The following PACRG variants were observed in gnomAD, a reference collection of about 807,000 sequenced individuals.
The protein encoded by PACRG is parkin coregulated, also known as parkin coregulated gene protein.
In PACRG, 29 loss-of-function variants were observed where a neutral mutation model predicts 29.7. The observed-to-expected ratio is 0.98, with a 90% CI of 0.73 to 1.33. The LOEUF (loss-of-function observed/expected upper bound fraction) is 1.33, where lower values mean the gene tolerates loss of function less well. Among genes scored for constraint, PACRG ranks in the 40% most tolerant of loss-of-function variants. The pLI, the probability that PACRG is intolerant of heterozygous loss-of-function variation, is 0.00. For synonymous variants in PACRG, 116 were observed against 118.7 expected (o/e 0.98, Z 0.15); for missense variants, 279 against 316.2 (o/e 0.88, Z 0.89).
At chr6:163,270,845 C>A (rs1056590373) in intron 4 of PACRG, among the ~76,000 whole-genome samples, 10 of 152,090 alleles carry the variant, frequency 6.6e-5, no homozygotes, top group African/African-American at 2.4e-4. Context: ...TACATCTTCT[C>A]CAATAGAAAA....
chr6:163,074,022 A>G (rs1321861268), intron 3 of PACRG, among the ~76,000 whole-genome samples: 1 of 152,194 alleles, frequency 6.6e-6, no homozygotes, highest in African/African-American at 2.4e-5. Context: ...GAGGTTCCTC[A>G]AAAAACTAAA....
chr6:163,037,201 C>T (rs1808282243), intron 2 of PACRG, among the ~76,000 whole-genome samples: 1 of 152,140 alleles, frequency 6.6e-6, no homozygotes, highest in Non-Finnish European at 1.5e-5. Flanking sequence ...ATCTGAAGCC[C>T]GTCCGAGGGT....
At chr6:162,841,338 C>G (rs1034211596) in intron 2 of PACRG, among the ~76,000 whole-genome samples, 1 of 150,568 alleles carries the variant, frequency 6.6e-6, no homozygotes, top group African/African-American at 2.4e-5. Flanking sequence ...GTGTATGTGT[C>G]GAGGAATTTA....
intron 2 of PACRG, among the ~76,000 whole-genome samples, chr6:162,883,837 T>C (rs1268751568): frequency 6.6e-6 from 1 of 152,078 alleles, no homozygotes; most frequent in Non-Finnish European, 1.5e-5. Context: ...ATTTAACTAC[T>C]AATACCCTAC....
intron 2 of PACRG, among the ~76,000 whole-genome samples, chr6:162,958,870 TATATATATATATATAGAGAGAGAGAGAG>T (rs1348744538): frequency 0.04 from 2,741 of 68,756 alleles, 27 homozygotes; most frequent in East Asian, 0.099. Context: ...TATATATATA[TATATATATATATATAGAGAGAGAGAGAG>T]AGAGAGAGAG....
intron 4 of PACRG, among the ~76,000 whole-genome samples, chr6:163,261,916 G>T (rs1011445050): frequency 1.3e-5 from 2 of 152,058 alleles, no homozygotes; most frequent in Admixed American, 1.3e-4. Flanking sequence ...GATCACCCGG[G>T]GTCCTGGAAC....
intron 2 of PACRG, among the ~76,000 whole-genome samples, chr6:162,968,552 C>G (rs1221490746): frequency 2.6e-5 from 4 of 152,164 alleles, no homozygotes; most frequent in Admixed American, 6.5e-5. Context: ...AGGAATGATA[C>G]ACATTTCTGA....
chr6:162,813,468 A>G (rs951438888), intron 1 of PACRG, among the ~76,000 whole-genome samples: 1 of 152,068 alleles, frequency 6.6e-6, no homozygotes, highest in Non-Finnish European at 1.5e-5. Flanking sequence ...AAATAACTCT[A>G]TAGGGAATAT....
chr6:163,276,931 A>T (rs116152862), intron 4 of PACRG, among the ~76,000 whole-genome samples: 1 of 152,226 alleles, frequency 6.6e-6, no homozygotes, highest in Non-Finnish European at 1.5e-5. Flanking sequence ...ACTAAACAAC[A>T]GGTTCAAGTC....
intron 4 of PACRG, among the ~76,000 whole-genome samples, chr6:163,200,635 G>T (rs575933993): frequency 1.3e-5 from 2 of 152,178 alleles, no homozygotes; most frequent in African/African-American, 2.4e-5. Context: ...TCCAAGGAAG[G>T]TCAAATTTTA....
chr6:163,112,282 G>T (rs1221648842), intron 4 of PACRG, among the ~76,000 whole-genome samples: 1 of 152,170 alleles, frequency 6.6e-6, no homozygotes, highest in East Asian at 1.9e-4. Flanking sequence ...GTAGCAAAGT[G>T]GCAGCTACCC....
intron 1 of PACRG, among the ~76,000 whole-genome samples, chr6:162,749,740 G>A (rs1457791439): frequency 2.6e-5 from 4 of 152,018 alleles, no homozygotes; most frequent in East Asian, 1.9e-4. Flanking sequence ...GGCTGGTCTC[G>A]AACTCCTGAC....
At chr6:163,192,519 AT>A (rs1410573091) in intron 4 of PACRG, among the ~76,000 whole-genome samples, 2 of 152,154 alleles carry the variant, frequency 1.3e-5, no homozygotes, top group African/African-American at 2.4e-5. Flanking sequence ...ACATTTAATG[AT>A]TTTTTCCCCC....
chr6:163,121,916 C>T (rs1816292942), intron 4 of PACRG, among the ~76,000 whole-genome samples: 2 of 152,068 alleles, frequency 1.3e-5, no homozygotes, highest in Admixed American at 1.3e-4. Context: ...CCTGCCTCGG[C>T]CTCCCAAAGT....
chr6:162,773,283 A>G (rs1226928160), intron 1 of PACRG, among the ~76,000 whole-genome samples: 1 of 151,874 alleles, frequency 6.6e-6, no homozygotes, highest in African/African-American at 2.4e-5. Context: ...GAATATCCTA[A>G]TATTAGAAAA....
intron 2 of PACRG, among the ~76,000 whole-genome samples, chr6:162,854,978 A>G (rs1400293446): frequency 6.6e-6 from 1 of 152,266 alleles, no homozygotes; most frequent in Non-Finnish European, 1.5e-5. Context: ...CTGCAGCAGC[A>G]TCGCTTCTAC....
chr6:162,952,048 A>G (rs1799692409), intron 2 of PACRG, among the ~76,000 whole-genome samples: 1 of 152,220 alleles, frequency 6.6e-6, no homozygotes, highest in African/African-American at 2.4e-5. Flanking sequence ...AAAAATGTCA[A>G]TAGTTCCTAC....
At chr6:162,911,733 AT>A (rs145854844) in intron 2 of PACRG, among the ~76,000 whole-genome samples, 35 of 152,298 alleles carry the variant, frequency 2.3e-4, no homozygotes, top group Middle Eastern at 6.8e-3. Flanking sequence ...AAGAGGGTTT[AT>A]TTACAAAGAT....
chr6:163,279,893 G>C (rs1784172513), intron 4 of PACRG, among the ~76,000 whole-genome samples: 2 of 152,262 alleles, frequency 1.3e-5, no homozygotes, highest in South Asian at 4.2e-4. Flanking sequence ...TGAATTACCT[G>C]GGAAGAATTA....
Sources: allele counts gnomAD v4.1 joint callset (sites outside exome capture counted in the v4.1 genomes callset), GRCh38; gene constraint gnomAD v4.1.1; transcripts MANE v1.5; gene names NCBI Gene and HGNC (gene_info 2026-07-23, HGNC 2026-07-21).